Variants in PLCB2 observed in about 807,000 individuals in gnomAD.
PLCB2 encodes the protein 1-phosphatidylinositol 4,5-bisphosphate phosphodiesterase beta-2.
A neutral mutation model predicts 141.7 loss-of-function variants in PLCB2; 115 were observed. That is an observed-to-expected ratio of 0.81 (90% confidence interval 0.70 to 0.95). The LOEUF (loss-of-function observed/expected upper bound fraction) is 0.95. PLCB2 is among the 40% of genes least tolerant of loss of function. The pLI, the probability that PLCB2 is intolerant of heterozygous loss-of-function variation, is 0.00. For missense variants in PLCB2, 1,403 were observed against 1,541.1 expected (o/e 0.91, Z 1.50); for synonymous variants, 603 against 595.6 (o/e 1.01, Z -0.18).
chr15:40,292,518 C>A, intron 21 of PLCB2, 75 bp from the exon 22 acceptor site: 1 of 1,026,466 alleles, frequency 9.7e-7, no homozygotes, highest in Non-Finnish European at 1.5e-6. Context: ...GCCTAGGACC[C>A]AAGGGTCTGA....
At chr15:40,284,653 A>G (rs2039583575), downstream of PLCB2, 1 of 432,764 alleles carries the variant, frequency 2.3e-6, no homozygotes, top group Non-Finnish European at 4.6e-6. Context: ...CATCCTGGCC[A>G]ACATGGTGAA....
Position 40,291,890 on chromosome 15 carries a change from T to G in PLCB2, c.2561A>C (p.Gln854Pro). The change falls in exon 24 of 32, where the codon CAG becomes CCG. Residue 854 changes from glutamine to proline, a missense_variant. Physicochemically the swap from Gln to Pro is moderately conservative, Grantham distance 76 (BLOSUM62 -1). Transcript: ENST00000260402. The stretch of plus-strand genomic sequence containing the variant: ...CGTTGGGGCCAACGCCCCATTGACC[T>G]GGCTGGCAACTGGACTCGCCAGTGG... ...PFPLASPVAS[Q>P]VNGALAPTSN... is the part of the protein sequence containing the mutation. 6.2e-7 allele frequency: 1 copy of G among 1,614,194 alleles called. No individual in the cohort carries two copies. The highest frequency in any genetic ancestry group is 1.1e-5 in the South Asian group (1 of 91,090).
chr15:40,291,995 T>A, intron 23 of PLCB2, 69 bp downstream of exon 23: 3 of 1,603,460 alleles, frequency 1.9e-6, no homozygotes, highest in Non-Finnish European at 1.7e-6. Context: ...CTCGGCCCTC[T>A]CCCCAGCCTC....
intron 16 of PLCB2, 57 bp downstream of exon 16, chr15:40,296,239 G>A (rs1270822976): frequency 1.5e-5 from 20 of 1,336,744 alleles, no homozygotes; most frequent in Non-Finnish European, 6.4e-6. Flanking sequence ...CCAAGTCCAA[G>A]GAAGGGGGAG....
At chr15:40,303,387 C>A (rs890259615) in intron 2 of PLCB2, 31 bp from the exon 3 acceptor site, 81 of 1,524,386 alleles carry the variant, frequency 5.3e-5, no homozygotes, top group Non-Finnish European at 7.4e-5. Context: ...CCGGTGGGAG[C>A]AAAGAAGGGA....
At chr15:40,289,949 GA>G (rs1426812065) in intron 30 of PLCB2, 75 bp downstream of exon 30, 3 of 347,106 alleles carry the variant, frequency 8.6e-6, no homozygotes, top group African/African-American at 2.2e-5. Context: ...GAGAGAGAGA[GA>G]GAGAGAGAGA....
intron 20 of PLCB2, 22 bp from the exon 21 acceptor site, chr15:40,293,047 AC>A: frequency 6.6e-7 from 1 of 1,508,178 alleles, no homozygotes; most frequent in Non-Finnish European, 9.1e-7. Flanking sequence ...TGGGGACATG[AC>A]AGGCTGGGAG....
chr15:40,299,470 C>G (rs192714398), intron 7 of PLCB2, among the ~76,000 whole-genome samples: 1 of 152,150 alleles, frequency 6.6e-6, no homozygotes, highest in South Asian at 2.1e-4. Context: ...GGGGCAGGAT[C>G]GGAACTAAGA....
At chr15:40,299,532 G>A (rs1435147804) in intron 7 of PLCB2, among the ~76,000 whole-genome samples, 1 of 152,140 alleles carries the variant, frequency 6.6e-6, no homozygotes, top group African/African-American at 2.4e-5. Context: ...CTGCTTGCCA[G>A]GCTAGTAGGC....
rs755036576 is a variant in PLCB2 at position 40,307,572 on chromosome 15, G to GC, written c.84+16dup. On this transcript the variant is annotated intron_variant, in intron 1 of 31. Transcript: ENST00000260402. The stretch of plus-strand genomic sequence containing the variant: ...ACCACCTGGTGCTCCAGCAGCTGAG[G>GC]CCCCTGCCCCACTTACATCATCCCA... The GC allele has an allele frequency of 2.6e-6, 4 of 1,512,408 alleles. No homozygotes were observed. The South Asian group carries it at 4.8e-5, about 18-fold the overall frequency. The allele number at this position is 1,512,408 out of a possible 1,614,324, so 93.7% of individuals were successfully genotyped here. A position where few individuals can be genotyped will look rare whatever the true frequency, so the allele number is the denominator to read the frequency against.
chr15:40,291,569 G>T lies in PLCB2; in HGVS notation c.2647+37C>A, dbSNP rs1182329779. The T allele has an allele frequency of 4.3e-6, 7 of 1,612,332 alleles. No homozygotes were observed. In the Admixed American group the frequency reaches 8.3e-5, roughly 19 times the overall value. ...CCAAGGAGCCCCGGACCCGCCCCAG[G>T]CTCATCCCCGAGATCACCGGGCTCA... is the stretch of plus-strand genomic sequence containing the variant. On this transcript the variant is annotated intron_variant, in intron 25 of 31. Transcript: ENST00000260402.
chr15:40,290,651 T>C lies in PLCB2; in HGVS notation c.3135A>G (p.Lys1045=), dbSNP rs2039841166. The C allele has an allele frequency of 1.2e-6, 2 of 1,614,098 alleles. No homozygotes were observed. Among genetic ancestry groups the C allele is most frequent in the Non-Finnish European group, 1.7e-6 (2 of 1,179,982 alleles). The part of the protein sequence containing the change: ...TSENDTKEMK[K]KLETKRLERI... ...GCTCCAGTCTCTTTGTCTCCAGCTT[T>C]TTCTTCATCTCTTTGGTGTCGCTGC... The change falls in exon 29 of 32, where the codon AAA becomes AAG. Residue 1045 remains lysine (K), a synonymous_variant. Coordinates refer to ENST00000260402, the MANE Select transcript of PLCB2 (RefSeq NM_004573.3).
chr15:40,290,896 G>A, intron 27 of PLCB2, 59 bp from the exon 28 acceptor site: 2 of 1,380,010 alleles, frequency 1.4e-6, no homozygotes, highest in Admixed American at 3.9e-5. Context: ...GGGAGTACGG[G>A]GGGCGGGGGT....
chr15:40,291,900 C>T lies in PLCB2; in HGVS notation c.2551G>A (p.Val851Ile). ...PEKPFPLASP[V>I]ASQVNGALAP... The stretch of plus-strand genomic sequence containing the variant: ...AACGCCCCATTGACCTGGCTGGCAA[C>T]TGGACTCGCCAGTGGGAAGGGCTTC... The change falls in exon 24 of 32, where the codon GTT becomes ATT. Residue 851 changes from valine to isoleucine, a missense_variant. Val to Ile is a conservative substitution (Grantham distance 29, BLOSUM62 3). This residue lies in a region of PLCB2 where 975 missense variants were observed against 1,141.1 expected (regional missense o/e 0.85). Coordinates refer to ENST00000260402, the MANE Select transcript of PLCB2 (RefSeq NM_004573.3). 1 of 1,614,160 alleles carries T rather than the reference C, an allele frequency of 6.2e-7. No individual in the cohort carries two copies. The highest frequency in any genetic ancestry group is 2.2e-5 in the East Asian group (1 of 44,886).
chr15:40,303,767 C>G (rs187667006), intron 2 of PLCB2: 6 of 533,140 alleles, frequency 1.1e-5, no homozygotes, highest in East Asian at 9.1e-5. Context: ...GCCTGTCTCT[C>G]TCTCTCCCCA....
intron 19 of PLCB2, 104 bp downstream of exon 19, chr15:40,294,162 A>C: frequency 1.7e-6 from 2 of 1,166,188 alleles, no homozygotes; most frequent in Admixed American, 3.8e-5. Context: ...TGAAGTTTCC[A>C]GGATATCAGG....
In PLCB2 at chr15:40,290,688, C is replaced by T; in HGVS notation, c.3114-16G>A. The T allele has an allele frequency of 6.2e-7, 1 of 1,612,608 alleles. No individual in the cohort carries two copies. Among genetic ancestry groups the T allele is most frequent in the Non-Finnish European group, 8.5e-7 (1 of 1,178,728 alleles). ...TTTGGTGTCGCTGCAGAGAGACAGG[C>T]ATGAAGGAGCTGTTTTGTGCGGCTG... On this transcript the variant is annotated splice_polypyrimidine_tract_variant and intron_variant, in intron 28 of 31. Transcript: ENST00000260402.
At chr15:40,301,832 G>C (rs2141153534) in intron 7 of PLCB2, 125 bp downstream of exon 7, 1 of 828,450 alleles carries the variant, frequency 1.2e-6, no homozygotes, top group East Asian at 2.7e-5. Context: ...GGGTTGATTG[G>C]CTCTCCAGGC....
rs1215536519 is a variant in PLCB2 at position 40,298,928 on chromosome 15, G to A, written c.720C>T (p.His240=). ...AKAKPYMTKE[H]LTKFINQKQR... ...GTTTCTGGTTGATGAATTTGGTCAG[G>A]TGCTCCTTCGTCATGTAGGGTTTGG... Residue 240 remains histidine, a synonymous_variant, in exon 9 of 32, where the codon CAC becomes CAT. Transcript: ENST00000260402. 1.9e-6 allele frequency: 3 copies of A among 1,607,562 alleles called. No homozygotes were observed. The highest frequency in any genetic ancestry group is 2.5e-6 in the Non-Finnish European group (3 of 1,179,680).
Sources: gnomAD v4.1 joint callset for allele counts (sites outside exome capture counted in the v4.1 genomes callset) on GRCh38, gnomAD v4.1.1 for gene constraint, gnomAD v4.1.1 regional missense constraint, MANE v1.5 for transcripts, NCBI Gene and HGNC (gene_info 2026-07-23, HGNC 2026-07-21) for gene names.